The following TDRD5 variants were observed in gnomAD, a reference collection of about 807,000 sequenced individuals.
TDRD5 encodes the protein tudor domain-containing protein 5.
A neutral mutation model predicts 120.6 loss-of-function variants in TDRD5; 41 were observed. The observed-to-expected ratio is 0.34, with a 90% CI of 0.26 to 0.44. The LOEUF is 0.44. Among genes scored for constraint, TDRD5 ranks in the 20% least tolerant of loss-of-function variants. The pLI, the probability that TDRD5 is intolerant of heterozygous loss-of-function variation, is 1.00. For synonymous variants in TDRD5, 430 were observed against 433.7 expected, an observed-to-expected ratio of 0.99 and a Z score of 0.11; for missense variants, 1,006 against 1,221.2, an observed-to-expected ratio of 0.82 and a Z score of 2.63.
intron 14 of TDRD5, among the ~76,000 whole-genome samples, chr1:179,658,135 C>T (rs1286951100): frequency 1.3e-5 from 2 of 152,152 alleles, no homozygotes; most frequent in Admixed American, 6.5e-5. Flanking sequence ...CCTCCTGGTT[C>T]ATCCATTTTG....
At chr1:179,650,097 A>G (rs533507435) in intron 11 of TDRD5, among the ~76,000 whole-genome samples, 2 of 152,164 alleles carry the variant, frequency 1.3e-5, no homozygotes, top group South Asian at 4.1e-4. Context: ...CCTGGCTTTG[A>G]TGTCTGTCTC....
Position 179,621,042 on chromosome 1 carries a change from C to G in TDRD5, c.923C>G (p.Ser308Cys), listed in dbSNP as rs1425699631. ...ELKHKIKFVV[S>C]KFPEGLFISK... ...TCACTTTCTATTTGTTAGGTTGTATCTAAGTTCCCAGAGGGTTTGTTTATT... is the reference window on the plus strand; with the variant it reads ...TCACTTTCTATTTGTTAGGTTGTATGTAAGTTCCCAGAGGGTTTGTTTATT... The change falls in exon 6 of 18, where the codon TCT (serine) becomes TGT (cysteine). Residue 308 changes from serine to cysteine, a missense_variant. This residue lies in a region of TDRD5 where 445 missense variants were observed against 515.5 expected (regional missense o/e 0.86). Transcript: ENST00000444136. 4.4e-6 allele frequency: 7 copies of G among 1,602,720 alleles called. No homozygotes were observed. The highest frequency in any genetic ancestry group is 5.9e-6 in the Non-Finnish European group (7 of 1,176,550).
rs188411566 is a variant in TDRD5 at position 179,688,543 on chromosome 1, G to A, written c.2861-2153G>A. 5.5e-3 allele frequency among the ~76,000 whole-genome samples: 838 copies of A among 152,272 alleles called. 8 individuals are homozygous for A. The highest frequency in any genetic ancestry group is 8.2e-3 in the Non-Finnish European group (561 of 68,026). On this transcript the variant is annotated intron_variant, in intron 17 of 17. Transcript: ENST00000444136. ...GTTTCTTGGAGTTGCTCTTCTCAAGGAGTATCTTTGTGGTGTTCTCTGTGT... is the reference window on the plus strand; with the variant it reads ...GTTTCTTGGAGTTGCTCTTCTCAAGAAGTATCTTTGTGGTGTTCTCTGTGT...
chr1:179,593,816 T>C lies in TDRD5; in HGVS notation c.589T>C (p.Leu197=), dbSNP rs1449187716. 8.7e-6 allele frequency: 14 copies of C among 1,614,196 alleles called. No individual in the cohort carries two copies. Among genetic ancestry groups the C allele is most frequent in the East Asian group, 2.2e-5 (1 of 44,886 alleles). Residue 197 remains leucine (L), a synonymous_variant, in exon 3 of 18, where the codon TTG becomes CTG. Transcript: ENST00000444136. ...SVEQTRAGSL[L]MLKKSVTEEK... ...AGAGCAGACCAGAGCAGGTTCTTTGTTGATGCTAAAGAAGAGTGTAACAGA... is the reference window on the plus strand; with the variant it reads ...AGAGCAGACCAGAGCAGGTTCTTTGCTGATGCTAAAGAAGAGTGTAACAGA...
Position 179,655,086 on chromosome 1 carries a change from C to T in TDRD5, c.2322+724C>T, listed in dbSNP as rs895761714. On this transcript the variant is annotated intron_variant, in intron 14 of 17. Coordinates refer to ENST00000444136, the MANE Select transcript of TDRD5 (RefSeq NM_001199085.3). ...TATTTCCTGTTTCCCAGAGCACCCACGTTTATCTCTTTTAGCTGCTTTTGG... is the reference window on the plus strand; with the variant it reads ...TATTTCCTGTTTCCCAGAGCACCCATGTTTATCTCTTTTAGCTGCTTTTGG... Among the ~76,000 whole-genome samples the T allele has an allele frequency of 5.9e-5, 9 of 152,166 alleles. No individual in the cohort carries two copies. The South Asian group carries it at 1.4e-3, about 25-fold the overall frequency.
In TDRD5 at chr1:179,593,703, A is replaced by G. The variant is rs771370781; in HGVS notation, c.476A>G (p.Lys159Arg). ...TCTGATTTTGAAAAGGCATTTGCCAAAAGATTTGGACGATCATTCCAATAC... is the reference window on the plus strand; with the variant it reads ...TCTGATTTTGAAAAGGCATTTGCCAGAAGATTTGGACGATCATTCCAATAC... ...LLSDFEKAFAKRFGRSFQYMQ... is the reference protein window; with the variant it reads ...LLSDFEKAFARRFGRSFQYMQ... The change falls in exon 3 of 18, where the codon AAA becomes AGA. Residue 159 changes from lysine to arginine, a missense_variant. Lys to Arg is a conservative substitution (Grantham distance 26). Transcript: ENST00000444136. 19 of 1,614,106 alleles carry G rather than the reference A, an allele frequency of 1.2e-5. No individual in the cohort carries two copies. Among genetic ancestry groups the G allele is most frequent in the Non-Finnish European group, 8.5e-7 (1 of 1,180,048 alleles).
At chr1:179,687,337 A>T (rs1170016724) in intron 17 of TDRD5, among the ~76,000 whole-genome samples, 1 of 152,152 alleles carries the variant, frequency 6.6e-6, no homozygotes, top group Non-Finnish European at 1.5e-5. Flanking sequence ...TTCAGTTTCC[A>T]TGTAGTTGAG....
chr1:179,612,840 G>A lies in TDRD5; in HGVS notation c.832-5759G>A, dbSNP rs143997744. 2.6e-3 allele frequency among the ~76,000 whole-genome samples: 393 copies of A among 151,142 alleles called. 2 individuals carry two copies. The highest frequency in any genetic ancestry group is 9.2e-3 in the African/African-American group (381 of 41,274). On this transcript the variant is annotated intron_variant, in intron 4 of 17. Coordinates refer to ENST00000444136, the MANE Select transcript of TDRD5 (RefSeq NM_001199085.3). Reference sequence around the variant, plus strand: ...AGTCCCAGCTACTCAGGAGGCTGAGGTAGGAGAATCTCTTGAACCCAGGAG... The same window carrying A: ...AGTCCCAGCTACTCAGGAGGCTGAGATAGGAGAATCTCTTGAACCCAGGAG...
chr1:179,684,638 G>A (rs1025229758), intron 17 of TDRD5, among the ~76,000 whole-genome samples: 1 of 152,180 alleles, frequency 6.6e-6, no homozygotes, highest in Non-Finnish European at 1.5e-5. Flanking sequence ...CTTCCACAAT[G>A]GTTGAACTAG....
At chr1:179,619,962 T>C (rs1676760353) in intron 5 of TDRD5, among the ~76,000 whole-genome samples, 1 of 152,222 alleles carries the variant, frequency 6.6e-6, no homozygotes, top group South Asian at 2.1e-4. Flanking sequence ...TTTAAAGGAT[T>C]GGTTATGTAT....
intron 7 of TDRD5, 58 bp downstream of exon 7, chr1:179,630,978 G>A: frequency 2.0e-6 from 3 of 1,464,942 alleles, no homozygotes; most frequent in Non-Finnish European, 2.8e-6. Context: ...TGAGGACAAA[G>A]AGAAAACATG....
intron 9 of TDRD5, among the ~76,000 whole-genome samples, chr1:179,639,528 A>C (rs1307743352): frequency 3.3e-5 from 5 of 152,252 alleles, no homozygotes; most frequent in African/African-American, 1.2e-4. Flanking sequence ...GGGAGCTATC[A>C]GGTCACTGAT....
At position 179,635,801 on chromosome 1, in the gene TDRD5, G is replaced by A. The variant is rs202093030; in HGVS notation, c.1434G>A (p.Glu478=). Residue 478 remains glutamate, a synonymous_variant, in exon 9 of 18, where the codon GAG becomes GAA. Transcript: ENST00000444136. ...GTTCCCTCATAGGGGTCTTTGTGGAGTATATCATCTCTCCTAGTCAATTCT... is the reference window on the plus strand; with the variant it reads ...GTTCCCTCATAGGGGTCTTTGTGGAATATATCATCTCTCCTAGTCAATTCT... ...DTSSLIGVFV[E]YIISPSQFYI... 6.2e-7 allele frequency: 1 copy of A among 1,614,024 alleles called. No homozygotes were observed. The highest frequency in any genetic ancestry group is 8.5e-7 in the Non-Finnish European group (1 of 1,180,010).
At position 179,691,125 on chromosome 1, in the gene TDRD5, A is replaced by G. The variant is rs1681131596; in HGVS notation, c.*182A>G. ...TACTTTGATGTGTAAGTAAGTATTG[A>G]TATTTACTGTTAATCTTGATTTTTC... On this transcript the variant is annotated 3_prime_UTR_variant, in exon 18 of 18. Coordinates refer to ENST00000444136, the MANE Select transcript of TDRD5 (RefSeq NM_001199085.3). 2 of 683,246 alleles carry G rather than the reference A, an allele frequency of 2.9e-6. No individual in the cohort carries two copies. Among genetic ancestry groups the G allele is most frequent in the African/African-American group, 3.6e-5 (2 of 55,638 alleles). 42.3% of individuals were successfully genotyped at this position (683,246 alleles called of 1,614,324 possible). A position where few individuals can be genotyped will look rare whatever the true frequency, so the allele number is the denominator to read the frequency against.
intron 7 of TDRD5, among the ~76,000 whole-genome samples, chr1:179,633,496 C>T (rs528720275): frequency 2.6e-5 from 4 of 151,768 alleles, no homozygotes; most frequent in Non-Finnish European, 4.4e-5. Flanking sequence ...GGACTACAGG[C>T]GCCTGCCACC....
In TDRD5 at chr1:179,648,510, G is replaced by C. The variant is rs1045543118; in HGVS notation, c.1801-2357G>C. 3.5e-5 allele frequency among the ~76,000 whole-genome samples: 5 copies of C among 143,056 alleles called. No individual in the cohort carries two copies. In the East Asian group the frequency reaches 1.1e-3, roughly 30 times the overall value. The allele number at this position is 143,056 out of a possible 152,430, so 93.9% of individuals were successfully genotyped here. A position where few individuals can be genotyped will look rare whatever the true frequency, so the allele number is the denominator to read the frequency against. ...CCTAATGCTAGATGACGAGTTAGTG[G>C]ATGCGGCGCACCAGCATGGCACATG... On this transcript the variant is annotated intron_variant, in intron 11 of 17. Transcript: ENST00000444136.
At chr1:179,688,011 G>C (rs1235088743) in intron 17 of TDRD5, among the ~76,000 whole-genome samples, 2 of 152,014 alleles carry the variant, frequency 1.3e-5, no homozygotes, top group Non-Finnish European at 2.9e-5. Flanking sequence ...TTGCTAGTCT[G>C]TGTCTTTTAA....
At chr1:179,621,455 G>T (rs1676838943) in intron 6 of TDRD5, among the ~76,000 whole-genome samples, 1 of 151,982 alleles carries the variant, frequency 6.6e-6, no homozygotes, top group Non-Finnish European at 1.5e-5. Flanking sequence ...TAAAGTTGAA[G>T]GTATGCACCC....
At chr1:179,608,770 G>T in intron 4 of TDRD5, among the ~76,000 whole-genome samples, 1 of 150,772 alleles carries the variant, frequency 6.6e-6, no homozygotes, top group African/African-American at 2.4e-5. Flanking sequence ...TCCCTAACAT[G>T]ATCATATTCT....
Sources: allele counts gnomAD v4.1 joint callset (sites outside exome capture counted in the v4.1 genomes callset), GRCh38; gene constraint gnomAD v4.1.1; regional missense constraint gnomAD v4.1.1; transcripts MANE v1.5; gene names NCBI Gene and HGNC (gene_info 2026-07-23, HGNC 2026-07-21).